Variants in SDC2 observed in about 807,000 individuals in gnomAD.
SDC2 encodes syndecan 2, also known as syndecan-2.
SDC2 carries 13 observed loss-of-function variants against 22.2 expected under a neutral mutation model. The observed-to-expected ratio is 0.59, with a 90% CI of 0.38 to 0.93. SDC2 has a LOEUF of 0.93. Ranked by LOEUF, SDC2 falls within the 40% of genes least tolerant of loss-of-function variation. The probability of loss-of-function intolerance (pLI) is 0.00; values close to 1 mark genes in which losing one functional copy is unlikely to be tolerated. For missense variants in SDC2, 235 were observed against 246.8 expected (o/e 0.95, Z 0.32); for synonymous variants, 94 against 92.8 (o/e 1.01, Z -0.07).
At chr8:96,494,396 C>T in intron 1 of SDC2, 65 bp downstream of exon 1, 2 of 1,489,088 alleles carry the variant, frequency 1.3e-6, no homozygotes, top group Non-Finnish European at 1.8e-6. Flanking sequence ...GAGGAGCCCG[C>T]AGGGAATAGG....
chr8:96,547,633 A>T (rs1813955648), intron 1 of SDC2, among the ~76,000 whole-genome samples: 1 of 152,094 alleles, frequency 6.6e-6, no homozygotes, highest in East Asian at 1.9e-4. Context: ...TTGCCTGCTG[A>T]TATAGGATAC....
At chr8:96,511,789 A>AT (rs548532271) in intron 1 of SDC2, among the ~76,000 whole-genome samples, 6,109 of 138,902 alleles carry the variant, frequency 0.044, 320 homozygotes, top group African/African-American at 0.13. Context: ...GGCTTATGTG[A>AT]TTTTTTTTTT....
At chr8:96,542,003 G>A (rs543490659) in intron 1 of SDC2, among the ~76,000 whole-genome samples, 2 of 152,254 alleles carry the variant, frequency 1.3e-5, no homozygotes, top group Admixed American at 1.3e-4. Context: ...CTGGAATAGG[G>A]AACACAAGGT....
intron 1 of SDC2, among the ~76,000 whole-genome samples, chr8:96,543,926 G>T (rs989544399): frequency 6.6e-6 from 1 of 152,124 alleles, no homozygotes; most frequent in East Asian, 1.9e-4. Context: ...TATGTCATTG[G>T]ATCAGCAAAC....
At chr8:96,548,521 T>G (rs1300430821) in intron 1 of SDC2, among the ~76,000 whole-genome samples, 1 of 152,242 alleles carries the variant, frequency 6.6e-6, no homozygotes, top group Non-Finnish European at 1.5e-5. Flanking sequence ...CAGATGCTTT[T>G]TGCTGCAGAT....
chr8:96,595,574 A>G (rs558271450), intron 2 of SDC2, among the ~76,000 whole-genome samples: 101 of 152,238 alleles, frequency 6.6e-4, no homozygotes, highest in African/African-American at 2.4e-3. Context: ...GGAAATAATA[A>G]CTATGGACAT....
At chr8:96,516,939 A>G (rs1303092668) in intron 1 of SDC2, among the ~76,000 whole-genome samples, 3 of 152,052 alleles carry the variant, frequency 2.0e-5, no homozygotes, top group Non-Finnish European at 2.9e-5. Flanking sequence ...ATATATTTCC[A>G]TTTCTCCTGA....
chr8:96,601,758 G>A (rs1238345180), intron 2 of SDC2, among the ~76,000 whole-genome samples: 1 of 151,858 alleles, frequency 6.6e-6, no homozygotes, highest in East Asian at 1.9e-4. Flanking sequence ...TTTTGTTGTG[G>A]GTTTTTTTAA....
At chr8:96,579,671 T>C (rs1034979158) in intron 1 of SDC2, among the ~76,000 whole-genome samples, 1 of 152,260 alleles carries the variant, frequency 6.6e-6, no homozygotes, top group Non-Finnish European at 1.5e-5. Context: ...ATCTTTAAGC[T>C]ATTGTCATCT....
intron 1 of SDC2, among the ~76,000 whole-genome samples, chr8:96,551,726 A>G (rs1814030985): frequency 6.6e-6 from 1 of 152,248 alleles, no homozygotes. Context: ...GGATATGCCA[A>G]GAAAGAGATC....
chr8:96,523,237 T>C (rs13259047), intron 1 of SDC2, among the ~76,000 whole-genome samples: 69,272 of 152,082 alleles, frequency 0.46, 16,547 homozygotes, highest in Non-Finnish European at 0.53. Context: ...TCTTGGTAAT[T>C]GCTTTTTAGA....
intron 1 of SDC2, among the ~76,000 whole-genome samples, chr8:96,558,622 A>T (rs1276634643): frequency 6.6e-6 from 1 of 152,176 alleles, no homozygotes; most frequent in African/African-American, 2.4e-5. Flanking sequence ...AATGAATCAA[A>T]GCTTTGGAGC....
chr8:96,533,137 T>C (rs1186103349), intron 1 of SDC2, among the ~76,000 whole-genome samples: 1 of 152,018 alleles, frequency 6.6e-6, no homozygotes, highest in African/African-American at 2.4e-5. Context: ...TCGTGGTGAG[T>C]GTTACAGCTC....
At chr8:96,549,342 G>A (rs1235617124) in intron 1 of SDC2, among the ~76,000 whole-genome samples, 1 of 152,162 alleles carries the variant, frequency 6.6e-6, no homozygotes, top group African/African-American at 2.4e-5. Flanking sequence ...TCCCTGAGCA[G>A]CCTGGTGGCT....
At position 96,509,564 on chromosome 8, in the gene SDC2, G is replaced by A. The variant is rs779403736; in HGVS notation, c.60+15233G>A. 2.1e-5 allele frequency among the ~76,000 whole-genome samples: 3 copies of A among 141,182 alleles called. 1 individual carries two copies. The highest frequency in any genetic ancestry group is 4.8e-5 in the Non-Finnish European group (3 of 62,016). 92.6% of individuals were successfully genotyped at this position (141,182 alleles called of 152,430 possible). On this transcript the variant is annotated intron_variant, in intron 1 of 4. Transcript: ENST00000302190. ...TCACGGGTTTTCAGCCCTTGCTGCC[G>A]ATTACATAAACTTGGGGAGCTTTTA...
intron 1 of SDC2, among the ~76,000 whole-genome samples, chr8:96,536,555 C>A (rs936381276): frequency 6.6e-6 from 1 of 152,100 alleles, no homozygotes. Flanking sequence ...CTCCTGGACT[C>A]AAGCAGTCCC....
chr8:96,608,278 C>A, intron 3 of SDC2, 57 bp from the exon 4 acceptor site: 1 of 1,555,130 alleles, frequency 6.4e-7, no homozygotes. Flanking sequence ...TCTATTATTT[C>A]TTCTTTCCAA....
rs1390630888 is a variant in SDC2 at position 96,591,198 on chromosome 8, C to G, written c.61-2282C>G. 3.3e-5 allele frequency among the ~76,000 whole-genome samples: 5 copies of G among 152,168 alleles called. No homozygotes were observed. The East Asian group carries it at 7.7e-4, about 23-fold the overall frequency. ...TCAGTATTACCCTTGCCACATCAAA[C>G]TTCATTGACAGAGCCAAGAGGAAAA... On this transcript the variant is annotated intron_variant, in intron 1 of 4. Coordinates refer to ENST00000302190, the MANE Select transcript of SDC2 (RefSeq NM_002998.4).
chr8:96,606,696 G>T (rs1281885260), intron 3 of SDC2, among the ~76,000 whole-genome samples: 1 of 152,144 alleles, frequency 6.6e-6, no homozygotes, highest in Non-Finnish European at 1.5e-5. Context: ...AGGTGATGTG[G>T]ATCAGCGTAA....
Sources: gnomAD v4.1 joint callset for allele counts (sites outside exome capture counted in the v4.1 genomes callset) on GRCh38, gnomAD v4.1.1 for gene constraint, MANE v1.5 for transcripts, NCBI Gene and HGNC (gene_info 2026-07-23, HGNC 2026-07-21) for gene names.